CDH13: variants seen among roughly 807,000 people sequenced by gnomAD.
CDH13 encodes cadherin-13.
A neutral mutation model predicts 63.8 loss-of-function variants in CDH13; 24 were observed. That is an observed-to-expected ratio of 0.38 (90% CI 0.27 to 0.53). The LOEUF is 0.53. Among genes scored for constraint, CDH13 ranks in the 20% least tolerant of loss-of-function variants. The probability of loss-of-function intolerance (pLI) is 0.85; values close to 1 mark genes in which losing one functional copy is unlikely to be tolerated. For missense variants in CDH13, 1,049 were observed against 903.1 expected (o/e 1.16, Z -2.07); for synonymous variants, 503 against 355.3 (o/e 1.42, Z -4.67).
intron 10 of CDH13, among the ~76,000 whole-genome samples, chr16:83,704,798 A>C (rs1376055004): frequency 6.6e-6 from 1 of 152,258 alleles, no homozygotes; most frequent in African/African-American, 2.4e-5. Flanking sequence ...ATTTTTTCCC[A>C]GTAACTTAAT....
chr16:83,569,771 C>G (rs1904401607), intron 7 of CDH13, among the ~76,000 whole-genome samples: 1 of 152,148 alleles, frequency 6.6e-6, no homozygotes, highest in African/African-American at 2.4e-5. Flanking sequence ...GAGTCTCACT[C>G]TGTCTCCCAG....
At chr16:82,972,937 C>G (rs1908978861) in intron 2 of CDH13, among the ~76,000 whole-genome samples, 1 of 152,162 alleles carries the variant, frequency 6.6e-6, no homozygotes, top group African/African-American at 2.4e-5. Context: ...TAAAGAATCA[C>G]CACTTTATTT....
At chr16:83,300,020 T>G (rs755263119) in intron 5 of CDH13, among the ~76,000 whole-genome samples, 4 of 152,232 alleles carry the variant, frequency 2.6e-5, no homozygotes, top group Non-Finnish European at 4.4e-5. Context: ...AGCCTCAGTT[T>G]CGTCACAGGA....
At chr16:83,410,419 G>A (rs912754451) in intron 6 of CDH13, among the ~76,000 whole-genome samples, 1 of 152,076 alleles carries the variant, frequency 6.6e-6, no homozygotes, top group Non-Finnish European at 1.5e-5. Flanking sequence ...GAAAATTCAT[G>A]TTGCATTTCT....
chr16:83,403,284 A>G (rs968478606), intron 6 of CDH13, among the ~76,000 whole-genome samples: 3 of 152,176 alleles, frequency 2.0e-5, no homozygotes, highest in South Asian at 4.1e-4. Flanking sequence ...ACTTCCTAGA[A>G]TGGAAGTCAC....
intron 1 of CDH13, among the ~76,000 whole-genome samples, chr16:82,695,281 T>A (rs1308624407): frequency 2.0e-5 from 3 of 152,204 alleles, no homozygotes; most frequent in African/African-American, 7.2e-5. Flanking sequence ...GGTGTTTGGA[T>A]CTTTCTGAAT....
intron 1 of CDH13, among the ~76,000 whole-genome samples, chr16:82,748,058 G>A (rs1479051974): frequency 2.0e-5 from 3 of 151,994 alleles, no homozygotes; most frequent in Admixed American, 6.6e-5. Flanking sequence ...AATGCCTTCC[G>A]TGGGTCCAGA....
intron 6 of CDH13, among the ~76,000 whole-genome samples, chr16:83,474,572 G>C (rs2073551570): frequency 6.6e-6 from 1 of 152,070 alleles, no homozygotes; most frequent in Non-Finnish European, 1.5e-5. Context: ...ACATCTGGTG[G>C]GTCCCACCAG....
chr16:82,684,654 C>T (rs1335380472), intron 1 of CDH13, among the ~76,000 whole-genome samples: 2 of 151,992 alleles, frequency 1.3e-5, no homozygotes, highest in African/African-American at 4.8e-5. Context: ...GGAGTCTCTA[C>T]TGGTTCCATA....
intron 3 of CDH13, among the ~76,000 whole-genome samples, chr16:83,045,326 G>A (rs958452452): frequency 1.3e-5 from 2 of 152,070 alleles, no homozygotes; most frequent in East Asian, 1.9e-4. Flanking sequence ...AAATGTAAAT[G>A]TCTGCCAAGT....
At chr16:82,909,725 C>T (rs1387386151) in intron 2 of CDH13, among the ~76,000 whole-genome samples, 1 of 152,064 alleles carries the variant, frequency 6.6e-6, no homozygotes, top group Non-Finnish European at 1.5e-5. Context: ...TCAATTACCT[C>T]CCACCGGGTT....
chr16:83,602,425 T>C (rs1907937656), intron 7 of CDH13, 29 bp from the exon 8 acceptor site: 1 of 1,613,044 alleles, frequency 6.2e-7, no homozygotes, highest in African/African-American at 1.3e-5. Context: ...CTAAATGTCA[T>C]ATTATTTCTT....
intron 7 of CDH13, among the ~76,000 whole-genome samples, chr16:83,537,669 T>A (rs572963784): frequency 6.6e-6 from 1 of 152,278 alleles, no homozygotes; most frequent in African/African-American, 2.4e-5. Flanking sequence ...TTGCAAAGAA[T>A]AGCTACATAT....
At chr16:83,342,392 G>A (rs2090745114) in intron 5 of CDH13, among the ~76,000 whole-genome samples, 1 of 152,146 alleles carries the variant, frequency 6.6e-6, no homozygotes, top group African/African-American at 2.4e-5. Flanking sequence ...CTGACATGTA[G>A]TGAGTCCTCA....
intron 6 of CDH13, among the ~76,000 whole-genome samples, chr16:83,419,493 G>A (rs2071651355): frequency 6.6e-6 from 1 of 152,194 alleles, no homozygotes; most frequent in South Asian, 2.1e-4. Context: ...TAGATCAGGA[G>A]TAAGATTCCA....
chr16:82,890,331 C>T (rs1014259492), intron 2 of CDH13, among the ~76,000 whole-genome samples: 1 of 152,182 alleles, frequency 6.6e-6, no homozygotes, highest in Non-Finnish European at 1.5e-5. Flanking sequence ...AGACCCAGCC[C>T]TTTCAGTAAG....
intron 5 of CDH13, among the ~76,000 whole-genome samples, chr16:83,286,954 T>C (rs1224222593): frequency 2.6e-5 from 4 of 152,068 alleles, no homozygotes; most frequent in Non-Finnish European, 5.9e-5. Context: ...CGTGCTCCTA[T>C]GTGTATTATA....
chr16:83,080,472 G>A (rs1007445407), intron 3 of CDH13, among the ~76,000 whole-genome samples: 3 of 152,032 alleles, frequency 2.0e-5, no homozygotes, highest in African/African-American at 7.2e-5. Flanking sequence ...ACCTTCTTGG[G>A]AGCCAGATGT....
chr16:82,665,918 C>T (rs945814197), intron 1 of CDH13, among the ~76,000 whole-genome samples: 1 of 152,006 alleles, frequency 6.6e-6, no homozygotes, highest in African/African-American at 2.4e-5. Context: ...ATTTCTGGAC[C>T]AGGAAAAGAT....
Sources: gnomAD v4.1 joint callset for allele counts (sites outside exome capture counted in the v4.1 genomes callset) on GRCh38, gnomAD v4.1.1 for gene constraint, MANE v1.5 for transcripts, NCBI Gene and HGNC (gene_info 2026-07-23, HGNC 2026-07-21) for gene names.